Variants in TMCO4 observed in about 807,000 individuals in gnomAD.
The protein encoded by TMCO4 is transmembrane and coiled-coil domain-containing protein 4.
A neutral mutation model predicts 64.7 loss-of-function variants in TMCO4; 58 were observed. The ratio of observed to expected loss-of-function variants is 0.90; its 90% CI spans 0.73 to 1.12. The LOEUF is 1.12. Among genes scored for constraint, TMCO4 ranks in the 50% most tolerant of loss-of-function variants. TMCO4 has a pLI of 0.00. For synonymous variants in TMCO4, 325 were observed against 346.1 expected (o/e 0.94, Z 0.68); for missense variants, 780 against 825.9 (o/e 0.94, Z 0.68).
At chr1:19,694,365 G>A in intron 15 of TMCO4, 69 bp downstream of exon 15, 12 of 1,387,002 alleles carry the variant, frequency 8.7e-6, no homozygotes, top group Non-Finnish European at 1.2e-5. Context: ...TGTCTCCAGG[G>A]GACAGGGGTG....
At chr1:19,701,067 C>A (rs1280338672) in intron 13 of TMCO4, 182 bp from the exon 14 acceptor site, 2 of 561,634 alleles carry the variant, frequency 3.6e-6, no homozygotes, top group South Asian at 2.2e-5. Context: ...CATGGATAGG[C>A]ATGGAGGCTT....
At chr1:19,747,062 TC>T in intron 8 of TMCO4, 100 bp downstream of exon 8, 9 of 1,167,546 alleles carry the variant, frequency 7.7e-6, no homozygotes, top group Non-Finnish European at 1.0e-5. Flanking sequence ...AGGGGCCACC[TC>T]CCAGCTGAGC....
intron 12 of TMCO4, chr1:19,738,556 T>A (rs1003768715): frequency 1.3e-5 from 2 of 152,254 alleles, no homozygotes; most frequent in Non-Finnish European, 2.9e-5. Context: ...TAACACATCA[T>A]CTTGCTCCAG....
chr1:19,726,513 A>G (rs2095409450), intron 13 of TMCO4, among the ~76,000 whole-genome samples: 1 of 151,966 alleles, frequency 6.6e-6, no homozygotes, highest in Admixed American at 6.6e-5. Flanking sequence ...TTCCAGCTTC[A>G]TCATGCTAGT....
At chr1:19,796,261 CA>C (rs2044301179) in intron 2 of TMCO4, among the ~76,000 whole-genome samples, 1 of 152,158 alleles carries the variant, frequency 6.6e-6, no homozygotes, top group Non-Finnish European at 1.5e-5. Context: ...TGTGTGACCT[CA>C]AACCCCAAGT....
intron 6 of TMCO4, among the ~76,000 whole-genome samples, chr1:19,767,157 GT>G (rs2042774044): frequency 6.6e-6 from 1 of 152,198 alleles, no homozygotes; most frequent in Non-Finnish European, 1.5e-5. Context: ...ACTAACAGCA[GT>G]TGTTTTAGAG....
chr1:19,781,643 T>C (rs1279690737), intron 3 of TMCO4, among the ~76,000 whole-genome samples: 4 of 91,524 alleles, frequency 4.4e-5, no homozygotes, highest in African/African-American at 1.7e-4. Flanking sequence ...AGAACTTTCT[T>C]TTTTTTTTTT....
intron 14 of TMCO4, among the ~76,000 whole-genome samples, chr1:19,695,214 A>C (rs2095228210): frequency 6.6e-6 from 1 of 152,190 alleles, no homozygotes; most frequent in Non-Finnish European, 1.5e-5. Flanking sequence ...ACCTGGCCCC[A>C]GCCAAACACT....
At chr1:19,751,631 T>C (rs1410111566) in intron 7 of TMCO4, among the ~76,000 whole-genome samples, 1 of 152,022 alleles carries the variant, frequency 6.6e-6, no homozygotes, top group South Asian at 2.1e-4. Flanking sequence ...AAAAAGTTTG[T>C]AAGCATTTGT....
intron 7 of TMCO4, among the ~76,000 whole-genome samples, chr1:19,754,209 C>T (rs1458330681): frequency 1.3e-5 from 2 of 152,170 alleles, no homozygotes; most frequent in South Asian, 2.1e-4. Context: ...GAACAAATCG[C>T]TCCGGGTAAT....
chr1:19,799,655 C>T (rs889513394), intron 1 of TMCO4, among the ~76,000 whole-genome samples, 200 bp downstream of exon 1: 3 of 152,236 alleles, frequency 2.0e-5, no homozygotes, highest in Non-Finnish European at 2.9e-5. Flanking sequence ...CAGCAGGCGG[C>T]CTGGGCTTAG....
In TMCO4 at chr1:19,734,774, C is replaced by A. The variant is rs769230707; in HGVS notation, c.1264+2598G>T. The stretch of plus-strand genomic sequence containing the variant: ...TAGGAGTGAGGGCTCCAGGGCCAGA[C>A]TCCCTGGGCCTGAATCCTGGCTCTG... On this transcript the variant is annotated intron_variant, in intron 13 of 15. Transcript: ENST00000294543. This position sits in a 1 kb window ranked among gnomAD's most constrained non-coding sequence, Gnocchi z 4.4. Among the ~76,000 whole-genome samples, 7 of 152,152 alleles carry A rather than the reference C, an allele frequency of 4.6e-5. No individual in the cohort carries two copies. The highest frequency in any genetic ancestry group is 2.0e-4 in the Admixed American group (3 of 15,286).
chr1:19,756,501 A>G (rs2100944439), intron 6 of TMCO4, among the ~76,000 whole-genome samples: 1 of 152,346 alleles, frequency 6.6e-6, no homozygotes, highest in East Asian at 1.9e-4. Flanking sequence ...GTAAATGCAG[A>G]TGATATTTAG....
intron 6 of TMCO4, among the ~76,000 whole-genome samples, chr1:19,769,840 G>A (rs1367862430): frequency 7.4e-6 from 1 of 135,100 alleles, no homozygotes; most frequent in Non-Finnish European, 1.7e-5. Flanking sequence ...CTAGGGACCA[G>A]TTTTGGGGAA....
chr1:19,766,717 T>C (rs1409763165), intron 6 of TMCO4, among the ~76,000 whole-genome samples: 2 of 152,200 alleles, frequency 1.3e-5, no homozygotes, highest in African/African-American at 2.4e-5. Flanking sequence ...CACAGAGACA[T>C]TCAGTAACTT....
chr1:19,740,718 CTG>C (rs2095475338), intron 11 of TMCO4, 57 bp downstream of exon 11: 2 of 1,550,386 alleles, frequency 1.3e-6, no homozygotes, highest in South Asian at 1.2e-5. Flanking sequence ...TATGGTACCA[CTG>C]TGTTGGGATG....
chr1:19,752,110 C>T (rs2042048199), intron 7 of TMCO4, among the ~76,000 whole-genome samples: 1 of 151,966 alleles, frequency 6.6e-6, no homozygotes, highest in Non-Finnish European at 1.5e-5. Context: ...TTCATTATTG[C>T]AGCACTATAC....
At chr1:19,782,880 C>A (rs2043557702) in intron 3 of TMCO4, among the ~76,000 whole-genome samples, 1 of 152,230 alleles carries the variant, frequency 6.6e-6, no homozygotes, top group Non-Finnish European at 1.5e-5. Context: ...GCAACTCAAC[C>A]TCTCTGTACT....
intron 12 of TMCO4, 122 bp downstream of exon 12, chr1:19,739,702 A>C: frequency 2.8e-6 from 4 of 1,428,366 alleles, no homozygotes; most frequent in Non-Finnish European, 3.8e-6. Context: ...GACTGCCCAC[A>C]CCCCCAAAAC....
Sources: gnomAD v4.1 joint callset for allele counts (sites outside exome capture counted in the v4.1 genomes callset) on GRCh38, gnomAD v4.1.1 for gene constraint, Gnocchi (gnomAD v3.1) non-coding constraint, MANE v1.5 for transcripts, NCBI Gene and HGNC (gene_info 2026-07-23, HGNC 2026-07-21) for gene names.